ZNF831: variants seen among roughly 807,000 people sequenced by gnomAD.
ZNF831 encodes chromosome 20 open reading frame 174.
Under a neutral mutation model 95.8 loss-of-function variants are expected in ZNF831, and 59 were observed. That is an observed-to-expected ratio of 0.62 (90% CI 0.50 to 0.77). The LOEUF is 0.77. Ranked by LOEUF, ZNF831 falls within the 30% of genes least tolerant of loss-of-function variation. The pLI, the probability that ZNF831 is intolerant of heterozygous loss-of-function variation, is 0.00. For synonymous variants in ZNF831, 961 were observed against 925.5 expected (o/e 1.04, Z -0.70); for missense variants, 2,205 against 2,164.0 (o/e 1.02, Z -0.38).
rs370272765 is a variant in ZNF831 at position 59,206,998 on chromosome 20, C to T, written c.3969C>T (p.Pro1323=). The T allele has an allele frequency of 8.5e-4, 1,379 of 1,614,226 alleles. No individual in the cohort carries two copies. The highest frequency in any genetic ancestry group is 1.1e-3 in the Non-Finnish European group (1,274 of 1,180,038). Residue 1323 remains proline (P), a synonymous_variant, in exon 4 of 6, where the codon CCC becomes CCT. Transcript: ENST00000371030. The part of the protein sequence containing the change: ...TWVRRRSRHP[P]ALEGLKPCRT... The stretch of plus-strand genomic sequence containing the variant: ...TGCGAAGAAGAAGCCGCCACCCTCC[C>T]GCACTTGAGGGACTGAAGCCATGCA...
At chr20:59,126,534 A>G (rs1601287535) in intron 1 of ZNF831, among the ~76,000 whole-genome samples, 1 of 151,492 alleles carries the variant, frequency 6.6e-6, no homozygotes, top group Non-Finnish European at 1.5e-5. Context: ...TTGATTCTAT[A>G]CTCTCCTCCA....
chr20:59,248,405 A>G (rs895076251), intron 4 of ZNF831, among the ~76,000 whole-genome samples: 8 of 152,246 alleles, frequency 5.3e-5, no homozygotes, highest in Non-Finnish European at 7.3e-5. Context: ...AACACACTTC[A>G]GTGACATTAT....
intron 4 of ZNF831, among the ~76,000 whole-genome samples, chr20:59,218,094 C>A (rs1157669336): frequency 6.6e-6 from 1 of 152,192 alleles, no homozygotes; most frequent in African/African-American, 2.4e-5. Context: ...CCTGAGAGAG[C>A]AAATAGTAAT....
At chr20:59,239,127 G>A (rs902227488) in intron 4 of ZNF831, among the ~76,000 whole-genome samples, 5 of 152,094 alleles carry the variant, frequency 3.3e-5, no homozygotes, top group Admixed American at 2.0e-4. Flanking sequence ...ATCCTTTGGG[G>A]TACAGGCCCA....
chr20:59,176,292 A>T (rs1982152607), intron 1 of ZNF831, among the ~76,000 whole-genome samples: 1 of 152,220 alleles, frequency 6.6e-6, no homozygotes, highest in Non-Finnish European at 1.5e-5. Context: ...CAGAAAACAG[A>T]TCTGTGGTTG....
In ZNF831 at chr20:59,192,174, C is replaced by G. The variant is rs765050349; in HGVS notation, c.1155C>G (p.Val385=). ...GCGGCCCGGGCCCGGGGCCAGGGGT[C>G]GCAGGGGCCGAGCCCGGGGCGCGAG... The part of the protein sequence containing the change: ...GEGGPGPGPG[V]AGAEPGAREA... The change falls in exon 2 of 6, where the codon GTC becomes GTG. Residue 385 remains valine, a synonymous_variant. Transcript: ENST00000371030. This position sits in a 1 kb window ranked among gnomAD's most constrained non-coding sequence, Gnocchi z 5.2. 1.3e-6 allele frequency: 2 copies of G among 1,562,930 alleles called. No individual in the cohort carries two copies. The highest frequency in any genetic ancestry group is 1.7e-6 in the Non-Finnish European group (2 of 1,158,722).
At chr20:59,231,251 A>G (rs1175385721) in intron 4 of ZNF831, among the ~76,000 whole-genome samples, 1 of 152,242 alleles carries the variant, frequency 6.6e-6, no homozygotes, top group Non-Finnish European at 1.5e-5. Context: ...GTAGCTGGAA[A>G]ATAGGTTCTT....
intron 2 of ZNF831, among the ~76,000 whole-genome samples, chr20:59,149,072 C>A (rs1173388251): frequency 6.6e-6 from 1 of 152,186 alleles, no homozygotes; most frequent in East Asian, 1.9e-4. Context: ...CTGGCCGTGT[C>A]TGTGGCCACA....
intron 4 of ZNF831, among the ~76,000 whole-genome samples, chr20:59,220,349 T>G (rs1182455354): frequency 6.6e-6 from 1 of 152,168 alleles, no homozygotes; most frequent in Non-Finnish European, 1.5e-5. Context: ...CGGGGTCTGT[T>G]TCCCCGACAC....
In ZNF831 at chr20:59,195,950, G is replaced by A. The variant is rs904255430; in HGVS notation, c.3820G>A (p.Ala1274Thr). The A allele has an allele frequency of 7.4e-6, 12 of 1,614,066 alleles. No individual in the cohort carries two copies. The highest frequency in any genetic ancestry group is 8.5e-6 in the Non-Finnish European group (10 of 1,180,042). Residue 1274 changes from alanine to threonine, a missense_variant, in exon 3 of 6, where the codon GCA becomes ACA. By Grantham distance (58) the Ala-to-Thr change is moderately conservative. Transcript: ENST00000371030. ...ATGGAAGAAAGGCCTGCCTTGGAGG[G>A]CAAAGATGTCTCGTGGGAACAGCAA... ...PEWKKGLPWR[A>T]KMSRGNSKQR...
intron 4 of ZNF831, among the ~76,000 whole-genome samples, chr20:59,224,265 G>A (rs982224031): frequency 2.0e-5 from 3 of 152,136 alleles, no homozygotes; most frequent in South Asian, 2.1e-4. Context: ...GTACCTCGCC[G>A]CCTGGGTGCT....
upstream of ZNF831, among the ~76,000 whole-genome samples, chr20:59,163,713 C>CT (rs10708774): frequency 4.5e-3 from 617 of 135,736 alleles, 2 homozygotes; most frequent in Middle Eastern, 7.9e-3. Flanking sequence ...AGCGGTGGCT[C>CT]TTTTTTTTTT....
upstream of ZNF831, among the ~76,000 whole-genome samples, chr20:59,159,330 A>G (rs1319452203): frequency 6.6e-6 from 1 of 152,028 alleles, no homozygotes; most frequent in African/African-American, 2.4e-5. Flanking sequence ...AGAAGGGAGG[A>G]AGGAGGTGGA....
Position 59,124,754 on chromosome 20 carries a change from G to A in ZNF831, c.-1425+1249G>A, listed in dbSNP as rs549987047. ...TCTCGTGTAAGGGGCTGGCCCCTTC[G>A]AGAGGCTCAGTGTGGAATAAAATGG... On this transcript the variant is annotated intron_variant, in intron 1 of 7. Coordinates refer to the ZNF831 transcript ENST00000637017. 2.0e-5 allele frequency among the ~76,000 whole-genome samples: 3 copies of A among 152,290 alleles called. No individual in the cohort carries two copies. The South Asian group carries it at 6.2e-4, about 32-fold the overall frequency.
chr20:59,185,619 C>A (rs751139889), intron 1 of ZNF831, among the ~76,000 whole-genome samples: 1 of 152,112 alleles, frequency 6.6e-6, no homozygotes, highest in Non-Finnish European at 1.5e-5. Flanking sequence ...CTCTGAAATT[C>A]GTCCTGCAGC....
chr20:59,179,886 T>G (rs555463623), intron 1 of ZNF831, among the ~76,000 whole-genome samples: 2 of 152,166 alleles, frequency 1.3e-5, no homozygotes, highest in Non-Finnish European at 2.9e-5. Flanking sequence ...CCCACCATGC[T>G]TCCCTTACAT....
intron 4 of ZNF831, among the ~76,000 whole-genome samples, chr20:59,222,576 T>C (rs1038283704): frequency 8.5e-5 from 13 of 152,116 alleles, no homozygotes; most frequent in Non-Finnish European, 1.0e-4. Flanking sequence ...GAAACTATTT[T>C]AACCTCTGGT....
rs1296900929 is a variant in ZNF831, at chr20:59,208,409, C to T, written c.4027+1353C>T. Among the ~76,000 whole-genome samples the T allele has an allele frequency of 1.3e-5, 2 of 152,200 alleles. No homozygotes were observed. The highest frequency in any genetic ancestry group is 4.8e-5 in the African/African-American group (2 of 41,444). Reference sequence around the variant, plus strand: ...GGGACCATGCAACTCTCTGCTTTCTCGTTGGGCCGTCCTGTGACAGGCACA... The same window carrying T: ...GGGACCATGCAACTCTCTGCTTTCTTGTTGGGCCGTCCTGTGACAGGCACA... On this transcript the variant is annotated intron_variant, in intron 4 of 5. Transcript: ENST00000371030. The surrounding 1 kb of genome is among the most constrained non-coding windows in gnomAD (Gnocchi z 4.2).
intron 1 of ZNF831, among the ~76,000 whole-genome samples, chr20:59,174,411 C>T (rs534213657): frequency 1.3e-5 from 2 of 152,312 alleles, no homozygotes; most frequent in South Asian, 2.1e-4. Flanking sequence ...CTGCTGGTGT[C>T]GTTATTTTAC....
Sources: allele counts gnomAD v4.1 joint callset (sites outside exome capture counted in the v4.1 genomes callset), GRCh38; gene constraint gnomAD v4.1.1; non-coding constraint Gnocchi (gnomAD v3.1); transcripts MANE v1.5; gene names NCBI Gene and HGNC (gene_info 2026-07-23, HGNC 2026-07-21).